The following CCDC178 variants were observed in gnomAD, a reference collection of about 807,000 sequenced individuals.
The protein encoded by CCDC178 is coiled-coil domain containing 178.
In CCDC178, 126 loss-of-function variants were observed where a neutral mutation model predicts 117.4. That is an observed-to-expected ratio of 1.07 (90% confidence interval 0.93 to 1.24). CCDC178 has a LOEUF of 1.24. Among genes scored for constraint, CCDC178 ranks in the 50% most tolerant of loss-of-function variants. The pLI is 0.00. For missense variants in CCDC178, 1,030 were observed against 986.9 expected, an observed-to-expected ratio of 1.04 and a Z score of -0.59; for synonymous variants, 283 against 313.4, an observed-to-expected ratio of 0.90 and a Z score of 1.02.
chr18:33,098,046 G>C (rs1397932858), intron 20 of CCDC178, among the ~76,000 whole-genome samples: 1 of 152,040 alleles, frequency 6.6e-6, no homozygotes, highest in African/African-American at 2.4e-5. Flanking sequence ...TACCCTTGGA[G>C]ATCTGTGGAG....
intron 12 of CCDC178, among the ~76,000 whole-genome samples, chr18:33,292,748 T>C (rs2060183924): frequency 6.6e-6 from 1 of 152,112 alleles, no homozygotes; most frequent in African/African-American, 2.4e-5. Flanking sequence ...CTGAAGTTTT[T>C]CTTCAGTTTT....
At chr18:33,078,700 A>T (rs561620768) in intron 21 of CCDC178, among the ~76,000 whole-genome samples, 8 of 152,334 alleles carry the variant, frequency 5.3e-5, no homozygotes, top group African/African-American at 1.9e-4. Context: ...AAAGGAAAAA[A>T]ATGCCTAGGA....
intron 21 of CCDC178, among the ~76,000 whole-genome samples, chr18:33,076,587 T>C (rs2057211582): frequency 6.6e-6 from 1 of 152,238 alleles, no homozygotes; most frequent in African/African-American, 2.4e-5. Flanking sequence ...ACACTTTGTG[T>C]GATATATTTG....
chr18:33,373,353 C>A (rs1009242223), intron 5 of CCDC178, among the ~76,000 whole-genome samples: 11 of 151,998 alleles, frequency 7.2e-5, no homozygotes, highest in Non-Finnish European at 1.2e-4. Flanking sequence ...TCTTCAAAAT[C>A]TACAACTTCA....
At chr18:33,087,659 C>A (rs1355291201) in intron 21 of CCDC178, among the ~76,000 whole-genome samples, 1 of 151,486 alleles carries the variant, frequency 6.6e-6, no homozygotes, top group Non-Finnish European at 1.5e-5. Flanking sequence ...CTGATAGGGT[C>A]TTCAAATAGC....
chr18:33,181,069 A>C (rs1219011867), intron 20 of CCDC178, among the ~76,000 whole-genome samples: 1 of 151,980 alleles, frequency 6.6e-6, no homozygotes, highest in Non-Finnish European at 1.5e-5. Context: ...GGAAGACTGG[A>C]GGAAAAAAAG....
chr18:32,938,203 C>G, intron 22 of CCDC178, 112 bp from the exon 23 acceptor site: 1 of 720,016 alleles, frequency 1.4e-6, no homozygotes, highest in Non-Finnish European at 2.4e-6. Context: ...AAAATAACGA[C>G]AAACACCATT....
At chr18:33,220,446 C>T (rs532089519) in intron 18 of CCDC178, among the ~76,000 whole-genome samples, 3 of 152,038 alleles carry the variant, frequency 2.0e-5, no homozygotes, top group African/African-American at 7.2e-5. Context: ...TTCTCTATAC[C>T]AAAACTGGCC....
chr18:33,164,082 T>C (rs1238418634), intron 20 of CCDC178, among the ~76,000 whole-genome samples: 1 of 151,186 alleles, frequency 6.6e-6, no homozygotes, highest in Non-Finnish European at 1.5e-5. Context: ...AACATTTTTG[T>C]TCTCAGGATC....
intron 21 of CCDC178, among the ~76,000 whole-genome samples, chr18:33,005,245 A>G (rs549139763): frequency 6.6e-6 from 1 of 152,258 alleles, no homozygotes; most frequent in East Asian, 1.9e-4. Context: ...TGGATAAAGA[A>G]AATGTAGTAC....
At chr18:33,156,178 T>C (rs2058393993) in intron 20 of CCDC178, among the ~76,000 whole-genome samples, 1 of 135,732 alleles carries the variant, frequency 7.4e-6, no homozygotes, top group South Asian at 2.5e-4. Flanking sequence ...AACCTCCGCC[T>C]CCCAGGTTCA....
At chr18:33,071,507 C>T (rs1007461190) in intron 21 of CCDC178, among the ~76,000 whole-genome samples, 3 of 151,912 alleles carry the variant, frequency 2.0e-5, no homozygotes, top group African/African-American at 4.8e-5. Context: ...CTATGAAATA[C>T]CAACACGGTT....
intron 2 of CCDC178, among the ~76,000 whole-genome samples, chr18:33,436,870 T>C (rs1195042984): frequency 6.6e-6 from 1 of 152,202 alleles, no homozygotes; most frequent in Non-Finnish European, 1.5e-5. Flanking sequence ...TGCACACCAG[T>C]AGTTGTTACA....
intron 12 of CCDC178, among the ~76,000 whole-genome samples, chr18:33,272,164 G>A (rs72951093): frequency 0.069 from 10,403 of 151,284 alleles, 551 homozygotes; most frequent in African/African-American, 0.14. Context: ...ACAAAATACT[G>A]TATACACTAA....
chr18:33,325,109 G>A (rs2062567025), intron 10 of CCDC178, among the ~76,000 whole-genome samples: 1 of 151,382 alleles, frequency 6.6e-6, no homozygotes, highest in Non-Finnish European at 1.5e-5. Context: ...ATTATAATAG[G>A]GATGTCAGGT....
intron 21 of CCDC178, among the ~76,000 whole-genome samples, chr18:33,078,918 A>C (rs534237337): frequency 6.6e-6 from 1 of 152,296 alleles, no homozygotes; most frequent in East Asian, 1.9e-4. Context: ...TCACAGAACC[A>C]GGAAAAACTA....
rs1599300593 is a variant in CCDC178 at position 33,420,889 on chromosome 18, A to C, written c.-22-8779T>G. 3.3e-5 allele frequency among the ~76,000 whole-genome samples: 5 copies of C among 152,366 alleles called. 1 individual carries two copies. The highest frequency in any genetic ancestry group is 3.3e-4 in the Admixed American group (5 of 15,308). On this transcript the variant is annotated intron_variant, in intron 2 of 22. Transcript: ENST00000383096. ...TCCTCATGCTTGTGGAAATTAAAAA[A>C]TACACTATAAATAACCTATATAAAA...
chr18:33,015,175 T>C (rs960191838), intron 21 of CCDC178, among the ~76,000 whole-genome samples: 1 of 147,394 alleles, frequency 6.8e-6, no homozygotes. Context: ...AGAATCTCTT[T>C]AACTCAGGAG....
At chr18:33,257,726 A>C (rs1197487585) in intron 14 of CCDC178, among the ~76,000 whole-genome samples, 1 of 151,410 alleles carries the variant, frequency 6.6e-6, no homozygotes, top group Non-Finnish European at 1.5e-5. Flanking sequence ...CTCTGCCTAC[A>C]CTCTCTTTTT....
Sources: gnomAD v4.1 joint callset for allele counts (sites outside exome capture counted in the v4.1 genomes callset) on GRCh38, gnomAD v4.1.1 for gene constraint, MANE v1.5 for transcripts, NCBI Gene and HGNC (gene_info 2026-07-23, HGNC 2026-07-21) for gene names.